Variants in SGSM2 observed in about 807,000 individuals in gnomAD.
SGSM2 encodes RUN and TBC1 domain containing 1.
Under a neutral mutation model 126.6 loss-of-function variants are expected in SGSM2, and 89 were observed. That is an observed-to-expected ratio of 0.70 (90% confidence interval 0.59 to 0.84). The LOEUF (loss-of-function observed/expected upper bound fraction) is 0.84. Among genes scored for constraint, SGSM2 ranks in the 40% least tolerant of loss-of-function variants. The pLI is 0.00. For missense variants in SGSM2, 1,404 were observed against 1,416.6 expected (o/e 0.99, Z 0.14); for synonymous variants, 614 against 574.3 (o/e 1.07, Z -0.99).
At position 2,363,131 on chromosome 17, in the gene SGSM2, G is replaced by T; in HGVS notation, c.669G>T (p.Leu223=). 1.9e-6 allele frequency: 3 copies of T among 1,597,980 alleles called. No homozygotes were observed. Among genetic ancestry groups the T allele is most frequent in the Admixed American group, 1.7e-5 (1 of 57,684 alleles). ...ACTCCCCTGCAAAGCGCCCAGCCCT[G>T]GGGGTAGGTGCCCCCTCCCCACCCT... The part of the protein sequence containing the change: ...RQDSPAKRPA[L]GIRKRHSSGS... The change falls in exon 6 of 24, where the codon CTG becomes CTT. Residue 223 remains leucine (L), a synonymous_variant. Coordinates refer to ENST00000268989, the MANE Select transcript of SGSM2 (RefSeq NM_014853.3). This position sits in a 1 kb window ranked among gnomAD's most constrained non-coding sequence, Gnocchi z 4.2.
chr17:2,364,509 T>G, intron 8 of SGSM2, 87 bp from the exon 9 acceptor site: 5 of 1,443,464 alleles, frequency 3.5e-6, no homozygotes, highest in South Asian at 1.1e-5. Flanking sequence ...CAGGGGAGTT[T>G]CGTGGGGTGG....
chr17:2,372,216 G>C lies in SGSM2; in HGVS notation c.1604G>C (p.Ser535Thr). Residue 535 changes from serine to threonine, a missense_variant, in exon 14 of 24, where the codon AGT (serine) becomes ACT (threonine). Coordinates refer to ENST00000268989, the MANE Select transcript of SGSM2 (RefSeq NM_014853.3). This position sits in a 1 kb window ranked among gnomAD's most constrained non-coding sequence, Gnocchi z 6.0. ...TTGCCGCTCAGGCTACTGTGTGAGA[G>C]TATGAAGAGGCAGATCGTGTCCCGG... ...DRLPLRLLCE[S>T]MKRQIVSRAF... 1 of 1,613,320 alleles carries C rather than the reference G, an allele frequency of 6.2e-7. No individual in the cohort carries two copies. Among genetic ancestry groups the C allele is most frequent in the East Asian group, 2.2e-5 (1 of 44,864 alleles).
At position 2,373,344 on chromosome 17, in the gene SGSM2, TGGC is replaced by T. The variant is rs778121819; in HGVS notation, c.1932_1934del (p.Ala646del). On this transcript the variant is annotated inframe_deletion, in exon 17 of 24. Coordinates refer to ENST00000268989, the MANE Select transcript of SGSM2 (RefSeq NM_014853.3). ...GTCTGAGTACAGGTGGACGCAGTGG[TGGC>T]AGCAAGGTACCAGCAGGTGTTGGCA... 6.2e-7 allele frequency: 1 copy of T among 1,612,304 alleles called. No individual in the cohort carries two copies. The highest frequency in any genetic ancestry group is 8.5e-7 in the Non-Finnish European group (1 of 1,179,740).
At position 2,367,876 on chromosome 17, in the gene SGSM2, A is replaced by G. The variant is rs1403587142; in HGVS notation, c.1423+471A>G. 6.6e-6 allele frequency among the ~76,000 whole-genome samples: 1 copy of G among 151,926 alleles called. No homozygotes were observed. The highest frequency in any genetic ancestry group is 1.5e-5 in the Non-Finnish European group (1 of 67,964). On this transcript the variant is annotated intron_variant, in intron 12 of 23. Transcript: ENST00000268989. The surrounding 1 kb of genome is among the most constrained non-coding windows in gnomAD (Gnocchi z 4.0). ...AGGGGCAGCAGCTGTGGGTCAGGCGAGGGGTTGAGGGCTGCCATGCGAAGG... is the reference window on the plus strand; with the variant it reads ...AGGGGCAGCAGCTGTGGGTCAGGCGGGGGGTTGAGGGCTGCCATGCGAAGG...
intron 2 of SGSM2, among the ~76,000 whole-genome samples, chr17:2,359,166 G>T (rs1179636724): frequency 1.3e-5 from 2 of 152,098 alleles, no homozygotes; most frequent in Non-Finnish European, 2.9e-5. Flanking sequence ...CGTGAGCCAC[G>T]GCGCCCAGAC....
chr17:2,372,448 T>C lies in SGSM2; in HGVS notation c.1748T>C (p.Leu583Pro). The change falls in exon 15 of 24, where the codon CTC becomes CCC. Residue 583 changes from leucine (L) to proline (P), a missense_variant. Physicochemically the swap from Leu to Pro is moderately conservative, Grantham distance 98. Transcript: ENST00000268989. The surrounding 1 kb of genome is among the most constrained non-coding windows in gnomAD (Gnocchi z 6.0). ...PDRPPGASAGLTKDVWSKYQK... is the reference protein window; with the variant it reads ...PDRPPGASAGPTKDVWSKYQK... ...CGGCCCCCGGGGGCCTCCGCGGGCC[T>C]CACCAAGGACGTGTGGAGCAAGTAT... The C allele has an allele frequency of 6.3e-7, 1 of 1,599,940 alleles. No homozygotes were observed. Among genetic ancestry groups the C allele is most frequent in the Middle Eastern group, 1.7e-4 (1 of 5,884 alleles).
intron 12 of SGSM2, among the ~76,000 whole-genome samples, chr17:2,368,977 G>A (rs1597373772): frequency 1.3e-5 from 2 of 152,240 alleles, no homozygotes; most frequent in Non-Finnish European, 2.9e-5. Flanking sequence ...TCCGGGATCA[G>A]AGAAACTTCC....
chr17:2,371,986 G>A (rs2065892494), intron 13 of SGSM2: 2 of 580,848 alleles, frequency 3.4e-6, no homozygotes, highest in Admixed American at 3.2e-5. Context: ...GGGTGGTTGG[G>A]GGCCAGGCGG....
At position 2,372,908 on chromosome 17, in the gene SGSM2, G is replaced by A. The variant is rs375838573; in HGVS notation, c.1789-45G>A. On this transcript the variant is annotated intron_variant, in intron 15 of 23. Transcript: ENST00000268989. The surrounding 1 kb of genome is among the most constrained non-coding windows in gnomAD (Gnocchi z 6.0). ...GATGGGGCTCACCCAGCTGGGCCAC[G>A]GTGACTGTGGAGGCTGCACAGTCTT... 20 of 1,545,592 alleles carry A rather than the reference G, an allele frequency of 1.3e-5. No individual in the cohort carries two copies. Among genetic ancestry groups the A allele is most frequent in the East Asian group, 2.4e-5 (1 of 40,862 alleles).
rs143823537 is a variant in SGSM2, at chr17:2,372,196, G to C, written c.1584G>C (p.Pro528=). 2.5e-6 allele frequency: 4 copies of C among 1,613,278 alleles called. No homozygotes were observed. Among genetic ancestry groups the C allele is most frequent in the Non-Finnish European group, 1.7e-6 (2 of 1,179,784 alleles). ...AGCCCGGTTGTTGCCACAGGTTGCC[G>C]CTCAGGCTACTGTGTGAGAGTATGA... ...SHCSCIPDRL[P]LRLLCESMKR... Residue 528 remains proline (P), a synonymous_variant, in exon 14 of 24, where the codon CCG becomes CCC. Transcript: ENST00000268989. This position sits in a 1 kb window ranked among gnomAD's most constrained non-coding sequence, Gnocchi z 6.0.
rs1223446991 is a variant in SGSM2, at chr17:2,362,024, G to A, written c.297-85G>A. 2.0e-6 allele frequency: 3 copies of A among 1,501,280 alleles called. No individual in the cohort carries two copies. Among genetic ancestry groups the A allele is most frequent in the South Asian group, 2.6e-5 (2 of 78,372 alleles). The allele number at this position is 1,501,280 out of a possible 1,614,324, so 93.0% of individuals were successfully genotyped here. A position where few individuals can be genotyped will look rare whatever the true frequency, so the allele number is the denominator to read the frequency against. ...GTCAGTTCTCTGTGCTCCCATCTTG[G>A]GGTACCAAGCCCCACTCCCAATGCC... On this transcript the variant is annotated intron_variant, in intron 3 of 23. Coordinates refer to ENST00000268989, the MANE Select transcript of SGSM2 (RefSeq NM_014853.3). This position sits in a 1 kb window ranked among gnomAD's most constrained non-coding sequence, Gnocchi z 4.9.
intron 19 of SGSM2, 26 bp from the exon 20 acceptor site, chr17:2,376,707 A>T (rs2066176566): frequency 6.2e-7 from 1 of 1,612,570 alleles, no homozygotes; most frequent in African/African-American, 1.3e-5. Flanking sequence ...GGGCACAGCC[A>T]CAGTGACTCT....
intron 1 of SGSM2, among the ~76,000 whole-genome samples, chr17:2,340,784 C>T (rs536629348): frequency 1.3e-5 from 2 of 152,094 alleles, no homozygotes; most frequent in South Asian, 2.1e-4. Context: ...CGGGGTTTCA[C>T]CATGTTAGCC....
In SGSM2 at chr17:2,362,058, G is replaced by C; in HGVS notation, c.297-51G>C. The C allele has an allele frequency of 6.4e-7, 1 of 1,563,578 alleles. No homozygotes were observed. Among genetic ancestry groups the C allele is most frequent in the South Asian group, 1.2e-5 (1 of 85,168 alleles). ...GCCCCACTCCCAATGCCAGCATTCT[G>C]GGGTTTACCCCTAGACCACTGCACT... is the stretch of plus-strand genomic sequence containing the variant. On this transcript the variant is annotated intron_variant, in intron 3 of 23. Transcript: ENST00000268989. This position sits in a 1 kb window ranked among gnomAD's most constrained non-coding sequence, Gnocchi z 4.9.
chr17:2,376,840 T>G, intron 20 of SGSM2, 25 bp downstream of exon 20: 4 of 1,613,724 alleles, frequency 2.5e-6, no homozygotes, highest in Non-Finnish European at 3.4e-6. Context: ...GACATGGGAC[T>G]GGGCTGCGTA....
At chr17:2,343,105 C>G (rs1437563692) in intron 1 of SGSM2, among the ~76,000 whole-genome samples, 1 of 152,152 alleles carries the variant, frequency 6.6e-6, no homozygotes, top group African/African-American at 2.4e-5. Flanking sequence ...GAGGGTGTCC[C>G]TGAGGTATGA....
chr17:2,375,425 C>G, intron 17 of SGSM2, 67 bp from the exon 18 acceptor site: 7 of 1,531,446 alleles, frequency 4.6e-6, no homozygotes, highest in African/African-American at 1.4e-5. Flanking sequence ...CCTTCTGGCC[C>G]GAGGAGGCGG....
chr17:2,343,500 T>G, intron 1 of SGSM2, 45 bp from the exon 2 acceptor site: 4 of 1,589,174 alleles, frequency 2.5e-6, no homozygotes, highest in Non-Finnish European at 3.5e-6. Context: ...AGGTCTTTGA[T>G]AAGGGAAAAT....
chr17:2,370,422 G>A (rs905742725), intron 12 of SGSM2, among the ~76,000 whole-genome samples: 1 of 151,484 alleles, frequency 6.6e-6, no homozygotes, highest in Non-Finnish European at 1.5e-5. Context: ...CGCTGGCAGC[G>A]TAGCTGTGTC....
Sources: allele counts gnomAD v4.1 joint callset (sites outside exome capture counted in the v4.1 genomes callset), GRCh38; gene constraint gnomAD v4.1.1; non-coding constraint Gnocchi (gnomAD v3.1); transcripts MANE v1.5; gene names NCBI Gene and HGNC (gene_info 2026-07-23, HGNC 2026-07-21).